PDE1C: variants seen among roughly 807,000 people sequenced by gnomAD.
PDE1C encodes the protein phosphodiesterase 1C, also known as dual specificity calcium/calmodulin-dependent 3',5'-cyclic nucleotide phosphodiesterase 1C.
PDE1C carries 62 observed loss-of-function variants against 93.1 expected under a neutral mutation model. The ratio of observed to expected loss-of-function variants is 0.67; its 90% CI spans 0.54 to 0.82. The LOEUF (loss-of-function observed/expected upper bound fraction) is 0.82. Among genes scored for constraint, PDE1C ranks in the 40% least tolerant of loss-of-function variants. The pLI is 0.00. For missense variants in PDE1C, 742 were observed against 884.6 expected, an observed-to-expected ratio of 0.84 and a Z score of 2.04; for synonymous variants, 325 against 310.1, an observed-to-expected ratio of 1.05 and a Z score of -0.50.
chr7:32,083,029 A>G (rs1796811412), intron 3 of PDE1C, among the ~76,000 whole-genome samples: 1 of 151,428 alleles, frequency 6.6e-6, no homozygotes, highest in Admixed American at 6.6e-5. Flanking sequence ...TTGAGAGAAG[A>G]AGGCTTCAGA....
chr7:32,263,448 A>G (rs1810359271), intron 1 of PDE1C, among the ~76,000 whole-genome samples: 1 of 152,270 alleles, frequency 6.6e-6, no homozygotes, highest in East Asian at 1.9e-4. Context: ...GATAAGTTAC[A>G]TACATTATGG....
chr7:32,018,401 CA>C (rs1788198695), intron 2 of PDE1C, among the ~76,000 whole-genome samples: 1 of 151,988 alleles, frequency 6.6e-6, no homozygotes, highest in Non-Finnish European at 1.5e-5. Context: ...TCATAATAAC[CA>C]AAATATGGAA....
chr7:31,905,921 AC>A, intron 2 of PDE1C, among the ~76,000 whole-genome samples: 1 of 152,132 alleles, frequency 6.6e-6, no homozygotes, highest in East Asian at 1.9e-4. Flanking sequence ...CTTGCTGGGC[AC>A]TTCTTGCTGC....
At chr7:32,199,883 A>C (rs965890060) in intron 2 of PDE1C, among the ~76,000 whole-genome samples, 10 of 152,224 alleles carry the variant, frequency 6.6e-5, no homozygotes, top group African/African-American at 2.4e-4. Context: ...GACAGGTTGC[A>C]GTTCAATGAT....
rs372761892 is a variant in PDE1C, at chr7:32,398,302, C to CAAAAAAAA, written c.310+29512_310+29519dup. 1.5e-5 allele frequency among the ~76,000 whole-genome samples: 2 copies of CAAAAAAAA among 137,458 alleles called. 1 individual carries two copies. The highest frequency in any genetic ancestry group is 3.1e-5 in the Non-Finnish European group (2 of 64,218). 90.2% of individuals were successfully genotyped at this position (137,458 alleles called of 152,430 possible). A position where few individuals can be genotyped will look rare whatever the true frequency, so the allele number is the denominator to read the frequency against. ...TGGGTGACAGGGCGAGACTCCGTCT[C>CAAAAAAAA]AAAAAAAAAAAAAAGAAAAAGAAAA... On this transcript the variant is annotated intron_variant, in intron 1 of 1. Coordinates refer to the PDE1C transcript ENST00000672256.
rs3079623 is a variant in PDE1C, at chr7:32,341,173, C to CTTTTTTTTTTTTTTTTTTTTT, written c.310+86648_310+86649insAAAAAAAAAAAAAAAAAAAAA. 4.7e-5 allele frequency among the ~76,000 whole-genome samples: 4 copies of CTTTTTTTTTTTTTTTTTTTTT among 84,950 alleles called. 1 individual carries two copies. Among genetic ancestry groups the CTTTTTTTTTTTTTTTTTTTTT allele is most frequent in the African/African-American group, 1.7e-4 (4 of 23,010 alleles). The allele number at this position is 84,950 out of a possible 152,430, so 55.7% of individuals were successfully genotyped here. A position where few individuals can be genotyped will look rare whatever the true frequency, so the allele number is the denominator to read the frequency against. The stretch of plus-strand genomic sequence containing the variant: ...CCTAAAACTACTCTAGAAATAAAGT[C>CTTTTTTTTTTTTTTTTTTTTT]TTTTTTTTTTTTTTTTTTTTGAGAC... On this transcript the variant is annotated intron_variant, in intron 1 of 1. Transcript: ENST00000672256.
At chr7:31,859,551 A>T (rs551166400) in intron 7 of PDE1C, among the ~76,000 whole-genome samples, 21 of 151,756 alleles carry the variant, frequency 1.4e-4, no homozygotes, top group Non-Finnish European at 2.8e-4. Context: ...TTCACAGCTC[A>T]CTTTACCTAA....
intron 1 of PDE1C, among the ~76,000 whole-genome samples, chr7:32,274,661 G>A (rs186513929): frequency 6.6e-6 from 1 of 152,256 alleles, no homozygotes; most frequent in Non-Finnish European, 1.5e-5. Context: ...TCTGATGTGT[G>A]TTAGTTACAC....
intron 3 of PDE1C, among the ~76,000 whole-genome samples, chr7:32,088,896 G>T (rs935936606): frequency 6.6e-6 from 1 of 152,158 alleles, no homozygotes; most frequent in Admixed American, 6.5e-5. Context: ...TGCCTCCAAG[G>T]GACAGAAGAG....
At chr7:31,788,181 G>A (rs988730926) in intron 16 of PDE1C, 1 of 152,130 alleles carries the variant, frequency 6.6e-6, no homozygotes, top group African/African-American at 2.4e-5. Flanking sequence ...TAAAATGGAA[G>A]CTGTAGACTT....
At chr7:32,328,304 C>T (rs1783444003) in intron 1 of PDE1C, among the ~76,000 whole-genome samples, 1 of 152,204 alleles carries the variant, frequency 6.6e-6, no homozygotes, top group African/African-American at 2.4e-5. Context: ...CCTGCTTCCA[C>T]TTTTGCCTCC....
At chr7:31,928,747 T>A (rs1471197498) in intron 2 of PDE1C, among the ~76,000 whole-genome samples, 1 of 152,026 alleles carries the variant, frequency 6.6e-6, no homozygotes, top group Non-Finnish European at 1.5e-5. Flanking sequence ...AGGGATTTTA[T>A]CACCACCAGC....
chr7:31,638,899 C>T, the PDE1C span, among the ~76,000 whole-genome samples: 2 of 152,110 alleles, frequency 1.3e-5, no homozygotes, highest in African/African-American at 2.4e-5. Flanking sequence ...GCCTTAGCCT[C>T]CCAAGTAGCT....
intron 3 of PDE1C, among the ~76,000 whole-genome samples, chr7:32,148,570 A>G (rs879870822): frequency 6.6e-6 from 1 of 152,212 alleles, no homozygotes; most frequent in African/African-American, 2.4e-5. Flanking sequence ...TTCTAAACTT[A>G]TATATTTAAG....
intron 2 of PDE1C, among the ~76,000 whole-genome samples, chr7:32,039,991 C>G (rs1384096155): frequency 1.3e-5 from 2 of 152,112 alleles, no homozygotes; most frequent in Non-Finnish European, 1.5e-5. Context: ...AATATTAACC[C>G]TTCAAGACAA....
At chr7:32,158,243 G>T (rs190880358) in intron 3 of PDE1C, among the ~76,000 whole-genome samples, 1 of 152,240 alleles carries the variant, frequency 6.6e-6, no homozygotes, top group African/African-American at 2.4e-5. Context: ...ACGCTCTCAG[G>T]CAGTTTATGA....
the PDE1C span, among the ~76,000 whole-genome samples, chr7:31,691,126 G>A: frequency 2.0e-5 from 3 of 152,128 alleles, no homozygotes; most frequent in Admixed American, 6.6e-5. Flanking sequence ...GATTTCTTCT[G>A]AAGTCACTCA....
intron 1 of PDE1C, among the ~76,000 whole-genome samples, chr7:32,419,807 T>C (rs1785354283): frequency 6.6e-6 from 1 of 151,696 alleles, no homozygotes; most frequent in Non-Finnish European, 1.5e-5. Context: ...ACACCACCAG[T>C]GCGGAGATGT....
At chr7:32,163,000 A>G (rs1001295454) in intron 3 of PDE1C, among the ~76,000 whole-genome samples, 2 of 152,344 alleles carry the variant, frequency 1.3e-5, no homozygotes, top group East Asian at 1.9e-4. Flanking sequence ...CAAGGTTGCA[A>G]TAAAAACTTC....
Sources: gnomAD v4.1 joint callset for allele counts (sites outside exome capture counted in the v4.1 genomes callset) on GRCh38, gnomAD v4.1.1 for gene constraint, MANE v1.5 for transcripts, NCBI Gene and HGNC (gene_info 2026-07-23, HGNC 2026-07-21) for gene names.